The following FAM193A variants were observed in gnomAD, a reference collection of about 807,000 sequenced individuals.
The protein encoded by FAM193A is family with sequence similarity 193 member A, also known as protein FAM193A.
A neutral mutation model predicts 126.5 loss-of-function variants in FAM193A; 22 were observed. That is an observed-to-expected ratio of 0.17 (90% CI 0.12 to 0.25). FAM193A has a LOEUF of 0.25. Ranked by LOEUF, FAM193A falls within the 10% of genes least tolerant of loss-of-function variation. The pLI, the probability that FAM193A is intolerant of heterozygous loss-of-function variation, is 1.00. For missense variants in FAM193A, 1,675 were observed against 1,672.8 expected, an observed-to-expected ratio of 1.00 and a Z score of -0.02; for synonymous variants, 761 against 646.8, an observed-to-expected ratio of 1.18 and a Z score of -2.68.
intron 18 of FAM193A, among the ~76,000 whole-genome samples, chr4:2,699,446 CCA>C (rs78563573): frequency 0.02 from 2,079 of 103,520 alleles, 126 homozygotes; most frequent in African/African-American, 0.056. Flanking sequence ...ACCCCCCCCC[CCA>C]CACACACACA....
In FAM193A at chr4:2,662,976, G is replaced by A. The variant is rs1161417073; in HGVS notation, c.1884G>A (p.Met628Ile). ...HSELNGGGEN[M>I]ALKDESPQIS... The stretch of plus-strand genomic sequence containing the variant: ...AATTGAATGGTGGCGGGGAAAACAT[G>A]GCCCTGAAGGATGAGGTATGGACAT... The change falls in exon 11 of 21, where the codon ATG (methionine) becomes ATA (isoleucine). Residue 628 changes from methionine (M) to isoleucine (I), a missense_variant. By Grantham distance (10) the Met-to-Ile change is conservative. Transcript: ENST00000637812. 1.9e-6 allele frequency: 3 copies of A among 1,612,804 alleles called. No homozygotes were observed. Among genetic ancestry groups the A allele is most frequent in the Middle Eastern group, 1.7e-4 (1 of 6,058 alleles).
At chr4:2,608,178 G>T (rs1450069045) in intron 2 of FAM193A, 11 of 1,540,752 alleles carry the variant, frequency 7.1e-6, no homozygotes, top group Non-Finnish European at 8.9e-6. Flanking sequence ...ATACCAAGAG[G>T]ACTTCATTTT....
chr4:2,546,362 C>G (rs1269442366), intron 1 of FAM193A, among the ~76,000 whole-genome samples: 2 of 152,140 alleles, frequency 1.3e-5, no homozygotes, highest in Non-Finnish European at 2.9e-5. Flanking sequence ...TCTACTACCA[C>G]AATCAGGATA....
chr4:2,549,024 C>T (rs754470725), intron 1 of FAM193A, among the ~76,000 whole-genome samples: 2 of 151,082 alleles, frequency 1.3e-5, no homozygotes, highest in Admixed American at 6.6e-5. Flanking sequence ...CTGCAACCTC[C>T]GCCTCCCGGT....
intron 8 of FAM193A, among the ~76,000 whole-genome samples, chr4:2,659,049 C>A (rs576834335): frequency 8.1e-4 from 124 of 152,366 alleles, no homozygotes; most frequent in South Asian, 1.9e-3. Context: ...CCTTTCCCGG[C>A]CATCCCGTCC....
chr4:2,602,344 T>A (rs909562252), intron 2 of FAM193A, among the ~76,000 whole-genome samples: 6 of 149,922 alleles, frequency 4.0e-5, no homozygotes, highest in Admixed American at 6.7e-5. Context: ...CCTCTAGAGA[T>A]GTTCTGTTCT....
chr4:2,705,319 C>T (rs911937043), intron 19 of FAM193A, among the ~76,000 whole-genome samples: 3 of 152,184 alleles, frequency 2.0e-5, no homozygotes, highest in African/African-American at 7.2e-5. Context: ...GCTTTTCAGT[C>T]AGGTGGAAAT....
At chr4:2,573,999 CAG>C (rs889290468) in intron 1 of FAM193A, among the ~76,000 whole-genome samples, 10 of 152,116 alleles carry the variant, frequency 6.6e-5, no homozygotes, top group African/African-American at 2.4e-4. Context: ...CAGAGAGGCT[CAG>C]GGGACAAATA....
In FAM193A at chr4:2,590,517, CAAAA is replaced by C. The variant is rs1740508445; in HGVS notation, c.256-5566_256-5563del. Among the ~76,000 whole-genome samples the C allele has an allele frequency of 2.3e-4, 12 of 52,318 alleles. 1 individual carries two copies. Among genetic ancestry groups the C allele is most frequent in the African/African-American group, 1.1e-3 (11 of 10,252 alleles). The allele number at this position is 52,318 out of a possible 152,430, so 34.3% of individuals were successfully genotyped here. A position where few individuals can be genotyped will look rare whatever the true frequency, so the allele number is the denominator to read the frequency against. The stretch of plus-strand genomic sequence containing the variant: ...AAAACAAAAAAAAACAAAAAAAAAA[CAAAA>C]CAAAATTAAAAAACAGAAAATTGTG... On this transcript the variant is annotated intron_variant, in intron 1 of 20. Transcript: ENST00000637812.
intron 19 of FAM193A, among the ~76,000 whole-genome samples, chr4:2,701,810 CTTG>C (rs1717763549): frequency 6.8e-6 from 1 of 147,960 alleles, no homozygotes; most frequent in African/African-American, 2.5e-5. Context: ...GAGTTTCGCT[CTTG>C]TTGTCCAGGC....
chr4:2,595,047 T>G (rs1258307490), intron 1 of FAM193A, among the ~76,000 whole-genome samples: 1 of 151,474 alleles, frequency 6.6e-6, no homozygotes, highest in Admixed American at 6.6e-5. Flanking sequence ...AGGCTGGATT[T>G]TTCTTTCTTT....
intron 2 of FAM193A, among the ~76,000 whole-genome samples, chr4:2,622,206 G>A (rs1453056704): frequency 7.4e-6 from 1 of 134,724 alleles, no homozygotes; most frequent in Non-Finnish European, 1.5e-5. Flanking sequence ...GCAGTGAGCT[G>A]AGATTGCACC....
intron 3 of FAM193A, 178 bp downstream of exon 3, chr4:2,625,573 A>G (rs1742869269): frequency 2.2e-6 from 1 of 456,324 alleles, no homozygotes; most frequent in African/African-American, 2.0e-5. Flanking sequence ...CTCTTGAGGA[A>G]CTGGCACTAG....
chr4:2,627,744 ATT>A (rs764315526), intron 4 of FAM193A, among the ~76,000 whole-genome samples: 11 of 113,444 alleles, frequency 9.7e-5, no homozygotes, highest in Admixed American at 3.4e-4. Flanking sequence ...TGCCCAGCTA[ATT>A]TTTTTTTTTT....
At chr4:2,577,872 T>C (rs1334682062) in intron 1 of FAM193A, among the ~76,000 whole-genome samples, 1 of 152,198 alleles carries the variant, frequency 6.6e-6, no homozygotes, top group African/African-American at 2.4e-5. Context: ...AAGTACAACA[T>C]TGGCCAGACA....
At position 2,663,091 on chromosome 4, in the gene FAM193A, A is replaced by T. The variant is rs760871352; in HGVS notation, c.1900-18A>T. The T allele has an allele frequency of 2.5e-6, 4 of 1,605,564 alleles. No individual in the cohort carries two copies. The highest frequency in any genetic ancestry group is 2.6e-6 in the Non-Finnish European group (3 of 1,174,768). On this transcript the variant is annotated intron_variant, in intron 11 of 20. Transcript: ENST00000637812. ...CTCTGTTTTGAAAAGTGCAAATTAC[A>T]AAAGATTGTCTTTAAAGTCTCCTCA...
At chr4:2,561,433 T>C (rs1292755960) in intron 1 of FAM193A, among the ~76,000 whole-genome samples, 1 of 151,934 alleles carries the variant, frequency 6.6e-6, no homozygotes, top group African/African-American at 2.4e-5. Flanking sequence ...TGGGCCCGCC[T>C]TGATCTCCCA....
intron 13 of FAM193A, among the ~76,000 whole-genome samples, chr4:2,678,622 C>T (rs1714728520): frequency 6.6e-6 from 1 of 152,100 alleles, no homozygotes; most frequent in African/African-American, 2.4e-5. Flanking sequence ...CTCGGCTTCC[C>T]AAAGTGCTGG....
chr4:2,577,411 G>GGTTTTTTTTTGTT (rs1739650763), intron 1 of FAM193A, among the ~76,000 whole-genome samples: 1 of 101,860 alleles, frequency 9.8e-6, no homozygotes, highest in Non-Finnish European at 2.1e-5. Context: ...AATTAAAGTG[G>GGTTTTTTTTTGTT]TTTTTTTTTT....
Sources: gnomAD v4.1 joint callset for allele counts (sites outside exome capture counted in the v4.1 genomes callset) on GRCh38, gnomAD v4.1.1 for gene constraint, MANE v1.5 for transcripts, NCBI Gene and HGNC (gene_info 2026-07-23, HGNC 2026-07-21) for gene names.